Variants in RTL4 observed in about 807,000 individuals in gnomAD.
RTL4 encodes the protein retrotransposon Gag like 4.
A neutral mutation model predicts 5.3 loss-of-function variants in RTL4; 4 were observed. The observed-to-expected ratio is 0.75, with a 90% CI of 0.37 to 1.72. The LOEUF (loss-of-function observed/expected upper bound fraction) is 1.72, where lower values mean the gene tolerates loss of function less well. Among genes scored for constraint, RTL4 ranks in the 40% most tolerant of loss-of-function variants. The probability of loss-of-function intolerance (pLI) is 0.04; values close to 1 mark genes in which losing one functional copy is unlikely to be tolerated. For missense variants in RTL4, 260 were observed against 227.1 expected, an observed-to-expected ratio of 1.14 and a Z score of -0.93; for synonymous variants, 98 against 87.3, an observed-to-expected ratio of 1.12 and a Z score of -0.68.
chrX:112,355,341 G>C, the RTL4 span, among the ~76,000 whole-genome samples: 4 of 111,140 alleles, frequency 3.6e-5, no homozygotes, highest in East Asian at 1.1e-3. Flanking sequence ...AGGAACAAAA[G>C]GAAAGGAGGG....
chrX:112,254,379 G>A, the RTL4 span, among the ~76,000 whole-genome samples: 1 of 109,554 alleles, frequency 9.1e-6, no homozygotes, highest in Non-Finnish European at 1.9e-5. Context: ...CACCAGGCTG[G>A]AGTGCAGTGG....
the RTL4 span, among the ~76,000 whole-genome samples, chrX:112,264,888 C>T: frequency 1.8e-5 from 2 of 112,883 alleles, no homozygotes; most frequent in East Asian, 5.6e-4. Context: ...TCTTCAAGGA[C>T]AGTAGCTATG....
At chrX:112,425,223 G>T in the RTL4 span, among the ~76,000 whole-genome samples, 1 of 111,053 alleles carries the variant, frequency 9.0e-6, no homozygotes, top group Admixed American at 9.6e-5. Flanking sequence ...TTTGTAATAT[G>T]CATTTAAGTT....
At chrX:112,355,835 T>C in the RTL4 span, among the ~76,000 whole-genome samples, 1 of 111,629 alleles carries the variant, frequency 9.0e-6, no homozygotes, top group Non-Finnish European at 1.9e-5. Flanking sequence ...TTTTTTTATC[T>C]CCTCATGAGC....
the RTL4 span, among the ~76,000 whole-genome samples, chrX:112,194,656 C>T: frequency 8.9e-6 from 1 of 111,879 alleles, no homozygotes; most frequent in Non-Finnish European, 1.9e-5. Flanking sequence ...GTACTAGAGC[C>T]AAATAGTGAA....
At chrX:112,147,845 G>T in the RTL4 span, among the ~76,000 whole-genome samples, 2 of 111,629 alleles carry the variant, frequency 1.8e-5, no homozygotes, top group Non-Finnish European at 3.8e-5. Context: ...GGAGGCTGAG[G>T]CAGGCTCTTC....
the RTL4 span, among the ~76,000 whole-genome samples, chrX:112,259,369 A>C: frequency 9.0e-6 from 1 of 111,046 alleles, no homozygotes; most frequent in Non-Finnish European, 1.9e-5. Flanking sequence ...CAGAATCTTT[A>C]TTTCCATTTA....
the RTL4 span, among the ~76,000 whole-genome samples, chrX:112,219,518 C>T: frequency 8.9e-6 from 1 of 112,153 alleles, no homozygotes; most frequent in Non-Finnish European, 1.9e-5. Context: ...TCTCCTCTTT[C>T]AGGTATGAGC....
the RTL4 span, among the ~76,000 whole-genome samples, chrX:112,445,186 G>A: frequency 9.0e-6 from 1 of 111,175 alleles, no homozygotes; most frequent in Non-Finnish European, 1.9e-5. Context: ...CGGGTGTGAA[G>A]GGAGCTGTTT....
chrX:112,241,944 A>G, the RTL4 span, among the ~76,000 whole-genome samples: 1 of 112,036 alleles, frequency 8.9e-6, no homozygotes, highest in Non-Finnish European at 1.9e-5. Flanking sequence ...ACCATTTCTT[A>G]AATAGGGAAT....
At chrX:112,287,023 T>C in the RTL4 span, among the ~76,000 whole-genome samples, 6 of 111,951 alleles carry the variant, frequency 5.4e-5, no homozygotes, top group African/African-American at 1.9e-4. Context: ...TATTTATTCA[T>C]TTGATTATTT....
the RTL4 span, among the ~76,000 whole-genome samples, chrX:112,139,774 A>G: frequency 8.9e-6 from 1 of 112,058 alleles, no homozygotes; most frequent in Non-Finnish European, 1.9e-5. Flanking sequence ...GTACTCCCAT[A>G]ATTCCCACAT....
the RTL4 span, among the ~76,000 whole-genome samples, chrX:112,408,580 T>A: frequency 9.0e-6 from 1 of 110,953 alleles, no homozygotes; most frequent in Non-Finnish European, 1.9e-5. Context: ...GAGAAAGAGA[T>A]GGGGTAGAAA....
the RTL4 span, among the ~76,000 whole-genome samples, chrX:112,195,887 G>A: frequency 9.0e-6 from 1 of 111,169 alleles, no homozygotes; most frequent in Non-Finnish European, 1.9e-5. Context: ...AGAAGCAAAC[G>A]ATTTTTTTTG....
chrX:112,214,486 A>C, the RTL4 span, among the ~76,000 whole-genome samples: 1 of 112,290 alleles, frequency 8.9e-6, no homozygotes, highest in Admixed American at 9.4e-5. Context: ...GAGCAGGCAG[A>C]TATCTTTTCG....
chrX:112,310,789 T>G, the RTL4 span, among the ~76,000 whole-genome samples: 1 of 76,276 alleles, frequency 1.3e-5, no homozygotes, highest in African/African-American at 6.1e-5. Context: ...TATATTAATA[T>G]TATATATAAT....
chrX:112,093,419 T>C, the RTL4 span, among the ~76,000 whole-genome samples: 317 of 111,690 alleles, frequency 2.8e-3, 4 homozygotes, highest in African/African-American at 9.9e-3. Context: ...TCTCATGTCA[T>C]GTAAGAGTCC....
the RTL4 span, among the ~76,000 whole-genome samples, chrX:112,305,921 C>T: frequency 3.6e-5 from 4 of 111,514 alleles, no homozygotes; most frequent in Non-Finnish European, 7.5e-5. Context: ...ACCGTTTGGC[C>T]TCTCTGGACC....
the RTL4 span, among the ~76,000 whole-genome samples, chrX:112,316,231 A>G: frequency 1.5e-3 from 164 of 112,339 alleles, 1 homozygote; most frequent in African/African-American, 4.2e-3. Flanking sequence ...AATCTATAGT[A>G]AAGTTGATGC....
Sources: allele counts gnomAD v4.1 joint callset (sites outside exome capture counted in the v4.1 genomes callset), GRCh38; gene constraint gnomAD v4.1.1; transcripts MANE v1.5; gene names NCBI Gene and HGNC (gene_info 2026-07-23, HGNC 2026-07-21).